NALF1: variants seen among roughly 807,000 people sequenced by gnomAD.
NALF1 encodes NALCN channel auxiliary factor 1.
In NALF1, 3 loss-of-function variants were observed where a neutral mutation model predicts 48.4. The observed-to-expected ratio is 0.06, with a 90% confidence interval of 0.03 to 0.16. NALF1 has a LOEUF of 0.16. Ranked by LOEUF, NALF1 falls within the 10% of genes least tolerant of loss-of-function variation. The pLI is 1.00. For synonymous variants in NALF1, 262 were observed against 245.7 expected, an observed-to-expected ratio of 1.07 and a Z score of -0.62; for missense variants, 526 against 571.5, an observed-to-expected ratio of 0.92 and a Z score of 0.81.
At chr13:107,508,316 A>G (rs1875766530) in intron 1 of NALF1, among the ~76,000 whole-genome samples, 2 of 151,592 alleles carry the variant, frequency 1.3e-5, no homozygotes, top group South Asian at 4.1e-4. Context: ...AATATTTGAT[A>G]TACTCATGTA....
At chr13:107,216,605 T>C (rs867692306) in intron 1 of NALF1, among the ~76,000 whole-genome samples, 9 of 152,350 alleles carry the variant, frequency 5.9e-5, no homozygotes, top group Middle Eastern at 3.4e-3. Flanking sequence ...TCCTGTTTTC[T>C]GGTGGTGACC....
intron 1 of NALF1, among the ~76,000 whole-genome samples, chr13:107,691,810 A>G (rs897845587): frequency 9.2e-5 from 14 of 152,362 alleles, no homozygotes; most frequent in African/African-American, 3.1e-4. Flanking sequence ...GAGTATGTCA[A>G]TAAAATAAAC....
intron 1 of NALF1, among the ~76,000 whole-genome samples, chr13:107,727,210 GA>G (rs1218277109): frequency 2.0e-5 from 3 of 149,908 alleles, no homozygotes; most frequent in Admixed American, 1.3e-4. Flanking sequence ...AGCTTGCCAT[GA>G]AAAAAAAATG....
chr13:107,526,701 C>G (rs1876456511), intron 1 of NALF1, among the ~76,000 whole-genome samples: 1 of 152,086 alleles, frequency 6.6e-6, no homozygotes, highest in African/African-American at 2.4e-5. Flanking sequence ...TAAACTGAAA[C>G]TACAGGCAGG....
intron 2 of NALF1, among the ~76,000 whole-genome samples, chr13:107,186,636 G>A (rs957751570): frequency 4.6e-5 from 7 of 152,194 alleles, no homozygotes; most frequent in Non-Finnish European, 7.3e-5. Context: ...AAAGTATTGG[G>A]ATTATAGGTG....
intron 2 of NALF1, among the ~76,000 whole-genome samples, chr13:107,198,822 G>A (rs548769162): frequency 6.6e-5 from 10 of 152,236 alleles, no homozygotes; most frequent in African/African-American, 2.4e-4. Context: ...GCTTGTAGAC[G>A]ATCATCTTCT....
At chr13:107,635,875 T>C (rs4772896) in intron 1 of NALF1, among the ~76,000 whole-genome samples, 90,127 of 151,962 alleles carry the variant, frequency 0.59, 28,709 homozygotes, top group East Asian at 0.99. Flanking sequence ...TTTGCAAGTA[T>C]AATTTGGTCT....
intron 1 of NALF1, 150 bp from the exon 2 acceptor site, chr13:107,210,905 G>C: frequency 3.4e-6 from 2 of 592,424 alleles, no homozygotes; most frequent in Non-Finnish European, 6.0e-6. Context: ...AACGACAGCT[G>C]CAAGTGATAA....
At chr13:107,507,838 G>A (rs184648318) in intron 1 of NALF1, among the ~76,000 whole-genome samples, 5 of 152,066 alleles carry the variant, frequency 3.3e-5, no homozygotes, top group African/African-American at 4.8e-5. Flanking sequence ...TAGAAATCTC[G>A]AACTGCATTA....
chr13:107,715,288 C>A (rs911439119), intron 1 of NALF1, among the ~76,000 whole-genome samples: 1 of 151,822 alleles, frequency 6.6e-6, no homozygotes, highest in Non-Finnish European at 1.5e-5. Flanking sequence ...CAGCAACCTC[C>A]GCCTCCCGGG....
intron 2 of NALF1, among the ~76,000 whole-genome samples, chr13:107,197,156 C>A (rs1388898421): frequency 6.6e-6 from 1 of 152,284 alleles, no homozygotes; most frequent in African/African-American, 2.4e-5. Flanking sequence ...TACAACACAG[C>A]TGGAAGACCC....
At chr13:107,660,839 G>C (rs975836762) in intron 1 of NALF1, among the ~76,000 whole-genome samples, 1 of 152,038 alleles carries the variant, frequency 6.6e-6, no homozygotes, top group African/African-American at 2.4e-5. Flanking sequence ...TCTGATGAGG[G>C]ATACTGACTC....
chr13:107,384,964 T>C (rs564758026), intron 1 of NALF1, among the ~76,000 whole-genome samples: 1 of 152,296 alleles, frequency 6.6e-6, no homozygotes, highest in Non-Finnish European at 1.5e-5. Flanking sequence ...AAGCACATTA[T>C]TCCCTGTAAA....
At chr13:107,387,546 G>T (rs576991079) in intron 1 of NALF1, among the ~76,000 whole-genome samples, 7 of 152,240 alleles carry the variant, frequency 4.6e-5, no homozygotes, top group African/African-American at 9.6e-5. Context: ...GGATGGTACA[G>T]AGTATCTGTT....
intron 1 of NALF1, among the ~76,000 whole-genome samples, chr13:107,486,446 G>A (rs1056353995): frequency 2.0e-5 from 3 of 152,144 alleles, no homozygotes; most frequent in African/African-American, 7.2e-5. Flanking sequence ...GGAAGAAGGA[G>A]CTTTTGTATT....
At chr13:107,826,809 G>A (rs932280771) in intron 1 of NALF1, among the ~76,000 whole-genome samples, 4 of 152,118 alleles carry the variant, frequency 2.6e-5, no homozygotes, top group South Asian at 2.1e-4. Context: ...GAAACTAATC[G>A]AACTCTCTTA....
chr13:107,387,246 C>T (rs997717479), intron 1 of NALF1, among the ~76,000 whole-genome samples: 1 of 151,594 alleles, frequency 6.6e-6, no homozygotes. Flanking sequence ...AGAGATGTTT[C>T]GCAAATCTAT....
intron 1 of NALF1, among the ~76,000 whole-genome samples, chr13:107,447,198 C>T (rs1315859723): frequency 6.6e-6 from 1 of 151,994 alleles, no homozygotes; most frequent in Non-Finnish European, 1.5e-5. Flanking sequence ...TCCTTCTCTC[C>T]TTCTCCTTCT....
intron 1 of NALF1, among the ~76,000 whole-genome samples, chr13:107,307,254 C>T (rs1440729288): frequency 6.6e-6 from 1 of 152,036 alleles, no homozygotes; most frequent in Non-Finnish European, 1.5e-5. Flanking sequence ...GGTTGGAAAT[C>T]CCAGTGTCCA....
Sources: gnomAD v4.1 joint callset for allele counts (sites outside exome capture counted in the v4.1 genomes callset) on GRCh38, gnomAD v4.1.1 for gene constraint, MANE v1.5 for transcripts, NCBI Gene and HGNC (gene_info 2026-07-23, HGNC 2026-07-21) for gene names.